PTPRQ: variants seen among roughly 807,000 people sequenced by gnomAD.
PTPRQ encodes the protein protein tyrosine phosphatase receptor type Q.
In PTPRQ, 199 loss-of-function variants were observed where a neutral mutation model predicts 246.0. That is an observed-to-expected ratio of 0.81 (90% confidence interval 0.72 to 0.91). The LOEUF (loss-of-function observed/expected upper bound fraction) is 0.91. Among genes scored for constraint, PTPRQ ranks in the 40% least tolerant of loss-of-function variants. The pLI is 0.00. For synonymous variants in PTPRQ, 869 were observed against 853.2 expected (o/e 1.02, Z -0.32); for missense variants, 2,624 against 2,528.4 (o/e 1.04, Z -0.81).
chr12:80,626,130 T>C (rs558353979), intron 33 of PTPRQ, among the ~76,000 whole-genome samples: 16 of 152,250 alleles, frequency 1.1e-4, no homozygotes, highest in African/African-American at 3.6e-4. Flanking sequence ...GATTCAGAAA[T>C]AGGGAGTTGC....
At chr12:80,587,281 G>T (rs769502704) in intron 25 of PTPRQ, among the ~76,000 whole-genome samples, 2 of 151,978 alleles carry the variant, frequency 1.3e-5, no homozygotes, top group Non-Finnish European at 2.9e-5. Context: ...TTCGCATTAT[G>T]TAATTTTCAC....
intron 27 of PTPRQ, among the ~76,000 whole-genome samples, chr12:80,605,919 G>A (rs1898301898): frequency 6.6e-6 from 1 of 150,672 alleles, no homozygotes; most frequent in Admixed American, 6.6e-5. Context: ...GAGCAGTATG[G>A]GGGGTGTAAA....
chr12:80,634,820 T>C, intron 34 of PTPRQ, 125 bp from the exon 35 acceptor site: 1 of 1,378,644 alleles, frequency 7.3e-7, no homozygotes, highest in Non-Finnish European at 9.6e-7. Context: ...TTGCAACATA[T>C]TCAGAGAGGT....
At chr12:80,532,499 G>C (rs1276210832) in intron 17 of PTPRQ, among the ~76,000 whole-genome samples, 1 of 152,118 alleles carries the variant, frequency 6.6e-6, no homozygotes, top group African/African-American at 2.4e-5. Flanking sequence ...GGCATTACAG[G>C]TGTGAGCCAC....
At chr12:80,598,867 C>T (rs12314869) in intron 26 of PTPRQ, among the ~76,000 whole-genome samples, 6 of 151,862 alleles carry the variant, frequency 4.0e-5, no homozygotes, top group South Asian at 2.1e-4. Context: ...GTGATCATAA[C>T]GAGGTACACT....
At chr12:80,477,771 CG>C (rs992282008) in intron 8 of PTPRQ, among the ~76,000 whole-genome samples, 11 of 152,226 alleles carry the variant, frequency 7.2e-5, no homozygotes, top group Admixed American at 6.5e-5. Context: ...GGGTGATGGA[CG>C]GCACCTGGAA....
At chr12:80,565,861 A>G (rs776308127) in intron 25 of PTPRQ, among the ~76,000 whole-genome samples, 1 of 152,248 alleles carries the variant, frequency 6.6e-6, no homozygotes, top group Non-Finnish European at 1.5e-5. Context: ...GTTTCATGGC[A>G]TATGAAAATA....
chr12:80,464,067 G>A (rs1396508531), intron 6 of PTPRQ, among the ~76,000 whole-genome samples: 1 of 151,874 alleles, frequency 6.6e-6, no homozygotes, highest in African/African-American at 2.4e-5. Flanking sequence ...AAAAGACACA[G>A]ACTGGCAAAT....
chr12:80,511,981 G>C (rs1006303390), intron 17 of PTPRQ, among the ~76,000 whole-genome samples: 19 of 152,180 alleles, frequency 1.2e-4, no homozygotes, highest in African/African-American at 4.6e-4. Flanking sequence ...GGGATGCTAG[G>C]CTATTTTAGT....
intron 33 of PTPRQ, among the ~76,000 whole-genome samples, chr12:80,627,546 G>A (rs538192807): frequency 8.6e-5 from 13 of 151,794 alleles, no homozygotes; most frequent in African/African-American, 2.2e-4. Context: ...TTAGAGAATA[G>A]GCTTAAAAAC....
At chr12:80,589,362 C>A (rs1376709610) in intron 26 of PTPRQ, among the ~76,000 whole-genome samples, 1 of 152,176 alleles carries the variant, frequency 6.6e-6, no homozygotes, top group Admixed American at 6.5e-5. Context: ...GCCAGGCCAC[C>A]CATCCCATAT....
At chr12:80,467,863 G>A (rs1403067613) in intron 6 of PTPRQ, among the ~76,000 whole-genome samples, 1 of 152,076 alleles carries the variant, frequency 6.6e-6, no homozygotes, top group African/African-American at 2.4e-5. Context: ...GTTGTGGGGT[G>A]GGGGCAGGGG....
intron 25 of PTPRQ, among the ~76,000 whole-genome samples, chr12:80,566,712 A>T (rs1434586735): frequency 4.6e-5 from 7 of 151,906 alleles, no homozygotes; most frequent in Non-Finnish European, 7.4e-5. Flanking sequence ...GCTAATTTTT[A>T]AAATTTTTAT....
At chr12:80,512,997 G>A (rs1440172993) in intron 17 of PTPRQ, among the ~76,000 whole-genome samples, 1 of 152,150 alleles carries the variant, frequency 6.6e-6, no homozygotes, top group Non-Finnish European at 1.5e-5. Context: ...CGGGCAGGCT[G>A]TGGGGCTCCG....
At chr12:80,518,885 T>C (rs1341264064) in intron 17 of PTPRQ, among the ~76,000 whole-genome samples, 4 of 152,196 alleles carry the variant, frequency 2.6e-5, no homozygotes, top group African/African-American at 9.6e-5. Flanking sequence ...TATAACTCTG[T>C]AGTATAATTT....
rs138934822 is a variant in PTPRQ, at chr12:80,660,197, G to C, written c.6192+2136G>C. 1.6e-3 allele frequency among the ~76,000 whole-genome samples: 239 copies of C among 152,114 alleles called. 1 individual carries two copies. In the South Asian group the frequency reaches 0.024, roughly 15 times the overall value. ...GGCAAAGGGAAGAGAACTATAGAGGGAGGTAGGAAAGAAAGCAAAATAACT... is the reference window on the plus strand; with the variant it reads ...GGCAAAGGGAAGAGAACTATAGAGGCAGGTAGGAAAGAAAGCAAAATAACT... On this transcript the variant is annotated intron_variant, in intron 39 of 44. Coordinates refer to ENST00000644991, the MANE Select transcript of PTPRQ (RefSeq NM_001145026.2).
chr12:80,455,896 G>A (rs1425469746), intron 3 of PTPRQ, among the ~76,000 whole-genome samples: 3 of 151,998 alleles, frequency 2.0e-5, no homozygotes, highest in African/African-American at 7.3e-5. Flanking sequence ...ACCGCGCCCA[G>A]CCGTCCTTTA....
intron 25 of PTPRQ, among the ~76,000 whole-genome samples, chr12:80,558,070 TCCCTTCCCTC>T (rs1334327426): frequency 2.7e-5 from 4 of 149,688 alleles, no homozygotes; most frequent in Admixed American, 6.7e-5. Context: ...TTCCTTCCCT[TCCCTTCCCTC>T]CCCTTCCCTC....
At chr12:80,590,201 C>T (rs1206572237) in intron 26 of PTPRQ, among the ~76,000 whole-genome samples, 3 of 152,128 alleles carry the variant, frequency 2.0e-5, no homozygotes, top group Middle Eastern at 6.3e-3. Context: ...CCTCCTCAAT[C>T]CTGCCCATGA....
Sources: allele counts gnomAD v4.1 joint callset (sites outside exome capture counted in the v4.1 genomes callset), GRCh38; gene constraint gnomAD v4.1.1; transcripts MANE v1.5; gene names NCBI Gene and HGNC (gene_info 2026-07-23, HGNC 2026-07-21).